The following RASGRF2 variants were observed in gnomAD, a reference collection of about 807,000 sequenced individuals.
The protein encoded by RASGRF2 is Ras protein specific guanine nucleotide releasing factor 2.
In RASGRF2, 76 loss-of-function variants were observed where a neutral mutation model predicts 151.0. That is an observed-to-expected ratio of 0.50 (90% confidence interval 0.42 to 0.61). RASGRF2 has a LOEUF of 0.61. Among genes scored for constraint, RASGRF2 ranks in the 20% least tolerant of loss-of-function variants. RASGRF2 has a pLI of 0.00. For missense variants in RASGRF2, 1,148 were observed against 1,564.6 expected, an observed-to-expected ratio of 0.73 and a Z score of 4.49; for synonymous variants, 504 against 566.5, an observed-to-expected ratio of 0.89 and a Z score of 1.57.
intron 2 of RASGRF2, among the ~76,000 whole-genome samples, chr5:81,055,897 G>A (rs954476029): frequency 6.6e-6 from 1 of 152,154 alleles, no homozygotes; most frequent in Non-Finnish European, 1.5e-5. Flanking sequence ...ATTTCTTCTA[G>A]ATTTTCTAGT....
intron 18 of RASGRF2, among the ~76,000 whole-genome samples, chr5:81,194,197 AT>A (rs1322039098): frequency 1.3e-5 from 2 of 150,444 alleles, no homozygotes; most frequent in African/African-American, 4.9e-5. Context: ...AAAAAAAAAA[AT>A]CTTAAAAATT....
intron 19 of RASGRF2, 40 bp from the exon 20 acceptor site, chr5:81,206,805 A>G (rs202010463): frequency 5.2e-6 from 8 of 1,551,730 alleles, no homozygotes; most frequent in South Asian, 1.1e-5. Flanking sequence ...TAGGTTGTCT[A>G]TTTTTTCTTT....
At chr5:81,057,387 CTTTTTGCTAAGCTAATAT>C (rs1343408857) in intron 2 of RASGRF2, among the ~76,000 whole-genome samples, 5 of 152,150 alleles carry the variant, frequency 3.3e-5, no homozygotes, top group Admixed American at 2.6e-4. Flanking sequence ...GCAACAACAA[CTTTTTGCTAAGCTAATAT>C]AATTTTTGCC....
chr5:81,219,718 C>T lies in RASGRF2; in HGVS notation c.3561C>T (p.His1187=), dbSNP rs1468314657. Residue 1187 remains histidine, a synonymous_variant, in exon 26 of 27, where the codon CAC becomes CAT. Coordinates refer to ENST00000265080, the MANE Select transcript of RASGRF2 (RefSeq NM_006909.3). ...VNFSKMRMIS[H]IIREIRQFQQ... ...GTTTTTTTCTCTGTTAGATATCACA[C>T]ATCATCAGAGAGATACGCCAGTTCC... 2 of 1,608,966 alleles carry T rather than the reference C, an allele frequency of 1.2e-6. No individual in the cohort carries two copies. The highest frequency in any genetic ancestry group is 1.7e-5 in the Admixed American group (1 of 59,968).
chr5:81,100,545 T>C (rs1752673471), intron 12 of RASGRF2, among the ~76,000 whole-genome samples: 1 of 152,218 alleles, frequency 6.6e-6, no homozygotes, highest in South Asian at 2.1e-4. Flanking sequence ...TCTTCCCCTT[T>C]TTCATCTATT....
At chr5:81,060,745 A>C (rs920998082) in intron 2 of RASGRF2, among the ~76,000 whole-genome samples, 15 of 152,346 alleles carry the variant, frequency 9.8e-5, no homozygotes, top group African/African-American at 2.9e-4. Flanking sequence ...GAAGTAAATA[A>C]CTACCATTAG....
chr5:81,183,338 T>G, intron 18 of RASGRF2: 2 of 974,140 alleles, frequency 2.1e-6, no homozygotes, highest in Non-Finnish European at 2.4e-6. Context: ...CATTGGCAGA[T>G]ACTACCTTGA....
chr5:81,002,252 C>CT (rs1440199252), intron 1 of RASGRF2, among the ~76,000 whole-genome samples: 1 of 152,104 alleles, frequency 6.6e-6, no homozygotes, highest in Non-Finnish European at 1.5e-5. Flanking sequence ...CTTTTCAGGG[C>CT]TTTTTTCTTG....
chr5:80,969,333 A>T (rs1232872466), intron 1 of RASGRF2, among the ~76,000 whole-genome samples: 3 of 150,392 alleles, frequency 2.0e-5, no homozygotes, highest in South Asian at 2.1e-4. Context: ...ACAGGGTTTC[A>T]CCATGTTGGT....
At chr5:81,057,196 T>C (rs1355714666) in intron 2 of RASGRF2, among the ~76,000 whole-genome samples, 1 of 152,198 alleles carries the variant, frequency 6.6e-6, no homozygotes, top group Non-Finnish European at 1.5e-5. Context: ...GTTATTTTGC[T>C]CCTTAGTTGA....
In RASGRF2 at chr5:81,074,955, C is replaced by T. The variant is rs543517373; in HGVS notation, c.887+1503C>T. Among the ~76,000 whole-genome samples the T allele has an allele frequency of 3.3e-5, 5 of 152,250 alleles. No individual in the cohort carries two copies. In the South Asian group the frequency reaches 1.0e-3, roughly 32 times the overall value. On this transcript the variant is annotated intron_variant, in intron 5 of 26. Coordinates refer to ENST00000265080, the MANE Select transcript of RASGRF2 (RefSeq NM_006909.3). ...AGGTGGGACATGGTACAGCCATTAA[C>T]TTTTGCTCTAAATGAGATGGGGAGA...
At chr5:81,174,983 A>C (rs565844822) in intron 17 of RASGRF2, among the ~76,000 whole-genome samples, 2 of 152,348 alleles carry the variant, frequency 1.3e-5, no homozygotes, top group East Asian at 3.9e-4. Context: ...ACTAACTTGC[A>C]AGAGAAACTT....
intron 1 of RASGRF2, among the ~76,000 whole-genome samples, chr5:81,032,833 A>G (rs1160619327): frequency 2.6e-5 from 4 of 152,164 alleles, no homozygotes; most frequent in African/African-American, 7.2e-5. Flanking sequence ...AGGGTATTCA[A>G]TTAGGAAAAG....
chr5:81,112,183 T>G (rs150966561), intron 13 of RASGRF2, among the ~76,000 whole-genome samples: 307 of 152,140 alleles, frequency 2.0e-3, no homozygotes, highest in African/African-American at 7.1e-3. Flanking sequence ...CAATCAGCCC[T>G]CTACCTACCA....
At chr5:81,061,997 C>CAAA (rs34991044) in intron 2 of RASGRF2, among the ~76,000 whole-genome samples, 19 of 43,974 alleles carry the variant, frequency 4.3e-4, no homozygotes, top group African/African-American at 9.6e-4. Context: ...TCCCAGCTGA[C>CAAA]AAAAAAAAAA....
intron 7 of RASGRF2, among the ~76,000 whole-genome samples, chr5:81,084,817 C>T (rs1222760018): frequency 1.3e-5 from 2 of 152,148 alleles, no homozygotes; most frequent in Admixed American, 1.3e-4. Context: ...ACCTCAGTCC[C>T]CGCAGACGAG....
chr5:80,999,307 G>A (rs1244088687), intron 1 of RASGRF2, among the ~76,000 whole-genome samples: 1 of 152,032 alleles, frequency 6.6e-6, no homozygotes, highest in Non-Finnish European at 1.5e-5. Context: ...CACCCCCAGA[G>A]CCACCTCTCT....
At chr5:81,213,343 C>A (rs55733870) in intron 23 of RASGRF2, among the ~76,000 whole-genome samples, 1 of 132,464 alleles carries the variant, frequency 7.5e-6, no homozygotes, top group Non-Finnish European at 1.7e-5. Context: ...GTCTCAGGGG[C>A]GAGGGGGAAA....
chr5:81,042,793 A>G (rs1026813013), intron 1 of RASGRF2, 84 bp from the exon 2 acceptor site: 3 of 930,294 alleles, frequency 3.2e-6, no homozygotes, highest in Non-Finnish European at 5.0e-6. Flanking sequence ...GTAAATATGT[A>G]CCCTTTGTAG....
Sources: allele counts gnomAD v4.1 joint callset (sites outside exome capture counted in the v4.1 genomes callset), GRCh38; gene constraint gnomAD v4.1.1; transcripts MANE v1.5; gene names NCBI Gene and HGNC (gene_info 2026-07-23, HGNC 2026-07-21).